CSMD3: variants seen among roughly 807,000 people sequenced by gnomAD.
CSMD3 encodes CUB and Sushi multiple domains 3, also known as CUB and sushi domain-containing protein 3.
CSMD3 carries 177 observed loss-of-function variants against 435.2 expected under a neutral mutation model. That is an observed-to-expected ratio of 0.41 (90% CI 0.36 to 0.46). The LOEUF is 0.46. Ranked by LOEUF, CSMD3 falls within the 20% of genes least tolerant of loss-of-function variation. The pLI is 0.34. For synonymous variants in CSMD3, 1,656 were observed against 1,520.5 expected (o/e 1.09, Z -2.07); for missense variants, 4,265 against 4,504.6 (o/e 0.95, Z 1.52).
rs539341290 is a variant in CSMD3 at position 113,068,923 on chromosome 8, A to C, written c.917+29833T>G. Among the ~76,000 whole-genome samples the C allele has an allele frequency of 2.6e-5, 4 of 152,196 alleles. No individual in the cohort carries two copies. In the East Asian group the frequency reaches 7.7e-4, roughly 29 times the overall value. On this transcript the variant is annotated intron_variant, in intron 5 of 70. Transcript: ENST00000297405. ...TTCTAGCGAGACAAATTCATCTGCA[A>C]ATCTTAACAGCTATGATGTGAGTCT...
At chr8:112,770,653 G>A (rs1044135332) in intron 13 of CSMD3, among the ~76,000 whole-genome samples, 16 of 151,682 alleles carry the variant, frequency 1.1e-4, no homozygotes, top group Non-Finnish European at 7.4e-5. Context: ...ACTCAATTAC[G>A]ATCTTGATCA....
intron 12 of CSMD3, among the ~76,000 whole-genome samples, chr8:112,824,358 GT>G (rs2079615516): frequency 6.6e-6 from 1 of 152,062 alleles, no homozygotes; most frequent in Non-Finnish European, 1.5e-5. Context: ...ACGCTATCTG[GT>G]TATTTTGGAC....
At chr8:112,890,510 A>C (rs142477184) in intron 10 of CSMD3, among the ~76,000 whole-genome samples, 3 of 151,816 alleles carry the variant, frequency 2.0e-5, no homozygotes, top group African/African-American at 7.2e-5. Flanking sequence ...AGCATATGAT[A>C]CTTCAGGATA....
intron 4 of CSMD3, among the ~76,000 whole-genome samples, chr8:113,147,513 T>TG (rs1434758350): frequency 6.6e-6 from 1 of 151,820 alleles, no homozygotes; most frequent in East Asian, 2.0e-4. Flanking sequence ...TAGGTCTTTA[T>TG]GTACTTCAGC....
In CSMD3 at chr8:112,231,430, G is replaced by A; in HGVS notation, c.10828+115C>T. 9.2e-6 allele frequency: 7 copies of A among 760,874 alleles called. No homozygotes were observed. In the South Asian group the frequency reaches 1.0e-4, roughly 11 times the overall value. The allele number at this position is 760,874 out of a possible 1,614,324, so 47.1% of individuals were successfully genotyped here. A position where few individuals can be genotyped will look rare whatever the true frequency, so the allele number is the denominator to read the frequency against. ...TCAAAGGTATCAATGCATAGTTCTG[G>A]CAGTACAGAATTTATAATGCAGTAA... On this transcript the variant is annotated intron_variant, in intron 69 of 70. Coordinates refer to ENST00000297405, the MANE Select transcript of CSMD3 (RefSeq NM_198123.2).
chr8:112,655,638 CTT>C (rs1439727933), intron 18 of CSMD3, among the ~76,000 whole-genome samples: 2 of 151,882 alleles, frequency 1.3e-5, no homozygotes, highest in South Asian at 2.1e-4. Flanking sequence ...GTTTTCTCGA[CTT>C]ATATTAATCA....
intron 31 of CSMD3, among the ~76,000 whole-genome samples, chr8:112,485,796 T>C (rs1250992556): frequency 6.6e-6 from 1 of 152,110 alleles, no homozygotes; most frequent in East Asian, 1.9e-4. Context: ...GGCTCTTCTT[T>C]TAAAAGCTTG....
At chr8:112,462,638 T>C (rs1284126088) in intron 32 of CSMD3, among the ~76,000 whole-genome samples, 3 of 151,782 alleles carry the variant, frequency 2.0e-5, no homozygotes, top group African/African-American at 7.3e-5. Context: ...TTGCTTAAAA[T>C]GGAAAGATAA....
intron 45 of CSMD3, among the ~76,000 whole-genome samples, chr8:112,328,897 T>G (rs1173625552): frequency 1.3e-5 from 2 of 152,178 alleles, no homozygotes; most frequent in Non-Finnish European, 2.9e-5. Flanking sequence ...ACTTCTTTCC[T>G]TTATAAATTA....
intron 20 of CSMD3, among the ~76,000 whole-genome samples, chr8:112,639,938 T>G (rs2074775563): frequency 6.6e-6 from 1 of 152,144 alleles, no homozygotes; most frequent in African/African-American, 2.4e-5. Flanking sequence ...TGGGTATGTA[T>G]CTAGGAATGG....
At chr8:113,369,955 C>T (rs983282527) in intron 1 of CSMD3, among the ~76,000 whole-genome samples, 1 of 151,658 alleles carries the variant, frequency 6.6e-6, no homozygotes. Flanking sequence ...CAAAATTACC[C>T]TTACATAGGA....
chr8:112,369,196 T>G (rs1426989457), intron 38 of CSMD3, among the ~76,000 whole-genome samples: 2 of 152,136 alleles, frequency 1.3e-5, no homozygotes, highest in Non-Finnish European at 2.9e-5. Flanking sequence ...TAAATAGTTT[T>G]CTTTGCTTTT....
intron 56 of CSMD3, among the ~76,000 whole-genome samples, chr8:112,290,764 C>G (rs1457912785): frequency 6.6e-6 from 1 of 151,996 alleles, no homozygotes; most frequent in East Asian, 1.9e-4. Context: ...TGAAATTGTT[C>G]TTCTCTTCCC....
intron 11 of CSMD3, among the ~76,000 whole-genome samples, chr8:112,848,096 T>TA (rs2080379326): frequency 6.6e-6 from 1 of 152,082 alleles, no homozygotes; most frequent in Non-Finnish European, 1.5e-5. Context: ...CAAGTGTCCA[T>TA]AAAAACATAA....
At chr8:112,458,346 T>G (rs1817076630) in intron 32 of CSMD3, among the ~76,000 whole-genome samples, 1 of 152,060 alleles carries the variant, frequency 6.6e-6, no homozygotes, top group Non-Finnish European at 1.5e-5. Context: ...CTGGACTTTA[T>G]GTCCCTGTCC....
Position 112,645,155 on chromosome 8 carries a change from T to G in CSMD3, c.3264A>C (p.Pro1088=). The change falls in exon 20 of 71, where the codon CCA becomes CCC. Residue 1088 remains proline, a synonymous_variant. Coordinates refer to ENST00000297405, the MANE Select transcript of CSMD3 (RefSeq NM_198123.2). ...CAGTCCATGTACAATTCAGAGAATT[T>G]GGATAAAATTCCGGGTAACCAGGTG... ...ILSPGYPEFY[P]NSLNCTWTVD... 6.2e-7 allele frequency: 1 copy of G among 1,608,386 alleles called. No individual in the cohort carries two copies. Among genetic ancestry groups the G allele is most frequent in the South Asian group, 1.1e-5 (1 of 90,952 alleles).
intron 38 of CSMD3, among the ~76,000 whole-genome samples, chr8:112,353,973 G>A (rs1242832870): frequency 6.6e-6 from 1 of 152,094 alleles, no homozygotes; most frequent in Non-Finnish European, 1.5e-5. Context: ...ACCAACTCCA[G>A]TAGCATATCA....
intron 40 of CSMD3, among the ~76,000 whole-genome samples, chr8:112,349,510 GA>G (rs1485468582): frequency 1.3e-5 from 2 of 151,810 alleles, no homozygotes; most frequent in Non-Finnish European, 2.9e-5. Context: ...CATATTAGCA[GA>G]AAAAAACATA....
At chr8:112,772,143 G>A (rs1312542773) in intron 13 of CSMD3, among the ~76,000 whole-genome samples, 1 of 149,590 alleles carries the variant, frequency 6.7e-6, no homozygotes, top group African/African-American at 2.5e-5. Context: ...GGTTTCAAAT[G>A]AAAATTTAAT....
Sources: gnomAD v4.1 joint callset for allele counts (sites outside exome capture counted in the v4.1 genomes callset) on GRCh38, gnomAD v4.1.1 for gene constraint, MANE v1.5 for transcripts, NCBI Gene and HGNC (gene_info 2026-07-23, HGNC 2026-07-21) for gene names.